The following PCDHGB1 variants were observed in gnomAD, a reference collection of about 807,000 sequenced individuals.
PCDHGB1 encodes the protein protocadherin gamma subfamily B, 1.
PCDHGB1 carries 34 observed loss-of-function variants against 56.6 expected under a neutral mutation model. The observed-to-expected ratio is 0.60, with a 90% CI of 0.46 to 0.80. The LOEUF is 0.80. PCDHGB1 is among the 30% of genes least tolerant of loss of function. The pLI is 0.00. For synonymous variants in PCDHGB1, 561 were observed against 505.9 expected, an observed-to-expected ratio of 1.11 and a Z score of -1.46; for missense variants, 1,278 against 1,204.6, an observed-to-expected ratio of 1.06 and a Z score of -0.90.
intron 1 of PCDHGB1, chr5:141,411,163 C>T (rs1001422146): frequency 6.6e-6 from 1 of 152,132 alleles, no homozygotes; most frequent in African/African-American, 2.4e-5. Context: ...TTCTGACTAT[C>T]GAACAGAAGC....
At chr5:141,390,830 G>A in intron 1 of PCDHGB1, 1 of 164,036 alleles carries the variant, frequency 6.1e-6, no homozygotes, top group Non-Finnish European at 1.3e-5. Flanking sequence ...TATGTCCATG[G>A]ACCCCTTGTG....
At chr5:141,406,255 A>G (rs1456869005) in intron 1 of PCDHGB1, among the ~76,000 whole-genome samples, 1 of 151,948 alleles carries the variant, frequency 6.6e-6, no homozygotes, top group Admixed American at 6.5e-5. Context: ...ACTGGTCTCA[A>G]ACGATCTTCC....
intron 1 of PCDHGB1, chr5:141,359,900 G>T: frequency 2.5e-6 from 1 of 399,574 alleles, no homozygotes; most frequent in Non-Finnish European, 4.4e-6. Context: ...ATATTGACAA[G>T]CCATTAGTGC....
intron 1 of PCDHGB1, chr5:141,385,308 C>G: frequency 1.9e-6 from 3 of 1,612,216 alleles, no homozygotes; most frequent in Non-Finnish European, 2.5e-6. Context: ...GTAAAGAAAA[C>G]CTGCCAAGTA....
chr5:141,362,656 G>C, intron 1 of PCDHGB1: 1 of 1,396,522 alleles, frequency 7.2e-7, no homozygotes, highest in South Asian at 1.5e-5. Flanking sequence ...AGTTAGATTT[G>C]GCCAATGTTG....
intron 1 of PCDHGB1, chr5:141,390,367 T>C (rs2092130153): frequency 6.6e-7 from 1 of 1,518,766 alleles, no homozygotes; most frequent in African/African-American, 1.4e-5. Flanking sequence ...TGCAGGAAAA[T>C]ATATAATTTT....
Position 141,390,485 on chromosome 5 carries a change from T to G in PCDHGB1, c.2409+37816T>G, listed in dbSNP as rs919971230. On this transcript the variant is annotated intron_variant, in intron 1 of 3. Transcript: ENST00000523390. The stretch of plus-strand genomic sequence containing the variant: ...GCAATTGTGTGGCCCAACATTTGTT[T>G]GTTTTTTAGCCAAGCTTAGATTTAT... The G allele has an allele frequency of 1.4e-5, 9 of 656,166 alleles. No homozygotes were observed. The African/African-American group carries it at 1.5e-4, about 11-fold the overall frequency. The allele number at this position is 656,166 out of a possible 1,614,324, so 40.6% of individuals were successfully genotyped here.
rs1561728654 is a variant in PCDHGB1, at chr5:141,410,479, G to C, written c.2409+57810G>C. 3.7e-6 allele frequency: 6 copies of C among 1,613,838 alleles called. No homozygotes were observed. In the African/African-American group the frequency reaches 8.0e-5, roughly 22 times the overall value. ...CTTATAATCTGTGCATTGCACATAC[G>C]GGTACAAAAGAGTTTAATTTCCTAA... On this transcript the variant is annotated intron_variant, in intron 1 of 3. Coordinates refer to ENST00000523390, the MANE Select transcript of PCDHGB1 (RefSeq NM_018922.3).
At chr5:141,410,004 ACGCCTGGCTGTC>A in intron 1 of PCDHGB1, 1 of 1,613,154 alleles carries the variant, frequency 6.2e-7, no homozygotes, top group Non-Finnish European at 8.5e-7. Flanking sequence ...TCGGGACACA[ACGCCTGGCTGTC>A]CTACCACGTG....
chr5:141,491,353 T>A lies in PCDHGB1; in HGVS notation c.2410-3454T>A. On this transcript the variant is annotated intron_variant, in intron 1 of 3. Coordinates refer to ENST00000523390, the MANE Select transcript of PCDHGB1 (RefSeq NM_018922.3). This position sits in a 1 kb window ranked among gnomAD's most constrained non-coding sequence, Gnocchi z 6.9. ...GGCTCTAGCGACCGTCAGTCTCTTATCCCTAGTCACCTTCACCTTTCTGTC... is the reference window on the plus strand; with the variant it reads ...GGCTCTAGCGACCGTCAGTCTCTTAACCCTAGTCACCTTCACCTTTCTGTC... The A allele has an allele frequency of 6.2e-7, 1 of 1,614,160 alleles. No homozygotes were observed. Among genetic ancestry groups the A allele is most frequent in the South Asian group, 1.1e-5 (1 of 91,080 alleles).
At chr5:141,442,452 CA>C (rs2098325918) in intron 1 of PCDHGB1, 1 of 152,226 alleles carries the variant, frequency 6.6e-6, no homozygotes, top group Admixed American at 6.5e-5. Flanking sequence ...GACTCAATAG[CA>C]GTTTCACTGC....
intron 1 of PCDHGB1, among the ~76,000 whole-genome samples, chr5:141,464,748 T>A (rs995568259): frequency 2.0e-5 from 3 of 152,190 alleles, no homozygotes; most frequent in Admixed American, 2.0e-4. Flanking sequence ...TATCTTTTTG[T>A]TTTTTTAGAG....
intron 1 of PCDHGB1, chr5:141,389,055 A>T: frequency 6.2e-7 from 1 of 1,613,996 alleles, no homozygotes; most frequent in Middle Eastern, 1.6e-4. Flanking sequence ...TGTTCCATTT[A>T]AAATATTAAC....
At chr5:141,394,802 C>G (rs773531449) in intron 1 of PCDHGB1, 1 of 1,613,810 alleles carries the variant, frequency 6.2e-7, no homozygotes, top group South Asian at 1.1e-5. Context: ...TCACCGTAGC[C>G]GTGGCTGACA....
At chr5:141,457,062 T>C (rs1168687034) in intron 1 of PCDHGB1, among the ~76,000 whole-genome samples, 1 of 152,232 alleles carries the variant, frequency 6.6e-6, no homozygotes, top group Non-Finnish European at 1.5e-5. Context: ...GCTTCCTTTT[T>C]GCCAGTAACT....
At chr5:141,475,543 G>A (rs1161883598) in intron 1 of PCDHGB1, among the ~76,000 whole-genome samples, 1 of 152,196 alleles carries the variant, frequency 6.6e-6, no homozygotes, top group African/African-American at 2.4e-5. Flanking sequence ...TACAAGTAGG[G>A]TCCGGCTAAT....
At chr5:141,440,558 T>C (rs546919141) in intron 1 of PCDHGB1, 1 of 152,350 alleles carries the variant, frequency 6.6e-6, no homozygotes, top group East Asian at 1.9e-4. Context: ...TGTTATTAAG[T>C]TACGTATCTC....
intron 1 of PCDHGB1, chr5:141,394,715 C>T (rs776573423): frequency 6.2e-7 from 1 of 1,613,304 alleles, no homozygotes; most frequent in African/African-American, 1.3e-5. Flanking sequence ...CCCTGCTGGA[C>T]AGAGATGCGC....
rs752088903 is a variant in PCDHGB1, at chr5:141,490,784, G to A, written c.2410-4023G>A. The A allele has an allele frequency of 1.7e-5, 27 of 1,613,906 alleles. No individual in the cohort carries two copies. The highest frequency in any genetic ancestry group is 1.2e-4 in the African/African-American group (9 of 74,922). The stretch of plus-strand genomic sequence containing the variant: ...GTGTATGTCAACCCAGAGGATGGAC[G>A]GATCTTTGCCCAGCGTACCTTTGAC... On this transcript the variant is annotated intron_variant, in intron 1 of 3. Transcript: ENST00000523390. This position sits in a 1 kb window ranked among gnomAD's most constrained non-coding sequence, Gnocchi z 5.4.
Sources: allele counts gnomAD v4.1 joint callset (sites outside exome capture counted in the v4.1 genomes callset), GRCh38; gene constraint gnomAD v4.1.1; non-coding constraint Gnocchi (gnomAD v3.1); transcripts MANE v1.5; gene names NCBI Gene and HGNC (gene_info 2026-07-23, HGNC 2026-07-21).